The following CPHXL2 variants were observed in gnomAD, a reference collection of about 807,000 sequenced individuals.
The protein encoded by CPHXL2 is cytoplasmic polyadenylated homeobox like 2, also known as cytoplasmic polyadenylated homeobox-like protein 2.
the CPHXL2 span, among the ~76,000 whole-genome samples, chr16:75,671,484 C>T: frequency 6.6e-5 from 10 of 152,004 alleles, no homozygotes; most frequent in Admixed American, 2.0e-4. Flanking sequence ...AAATAATTCA[C>T]GTGTTGATGA....
At chr16:75,674,372 C>CAAAAAAAAAAA in the CPHXL2 span, among the ~76,000 whole-genome samples, 19 of 53,382 alleles carry the variant, frequency 3.6e-4, no homozygotes, top group African/African-American at 9.6e-4. Flanking sequence ...GACTCCGTCT[C>CAAAAAAAAAAA]AAAAAAAAAA....
the CPHXL2 span, among the ~76,000 whole-genome samples, chr16:75,661,797 A>T: frequency 6.6e-6 from 1 of 152,164 alleles, no homozygotes; most frequent in Non-Finnish European, 1.5e-5. Flanking sequence ...TATTGACCAT[A>T]TATTTGTTGT....
At chr16:75,674,372 CAAAA>C in the CPHXL2 span, among the ~76,000 whole-genome samples, 15 of 53,388 alleles carry the variant, frequency 2.8e-4, no homozygotes, top group South Asian at 1.3e-3. Context: ...GACTCCGTCT[CAAAA>C]AAAAAAAAAA....
chr16:75,666,438 GTC>G, the CPHXL2 span, among the ~76,000 whole-genome samples: 1 of 151,828 alleles, frequency 6.6e-6, no homozygotes, highest in African/African-American at 2.4e-5. Context: ...TGGCCAATAA[GTC>G]TCTACTGAAA....
the CPHXL2 span, among the ~76,000 whole-genome samples, chr16:75,664,754 G>C: frequency 6.6e-6 from 1 of 152,090 alleles, no homozygotes; most frequent in Admixed American, 6.6e-5. Flanking sequence ...CTCATGAATG[G>C]ATTAACACAT....
chr16:75,671,864 G>T, the CPHXL2 span, among the ~76,000 whole-genome samples: 1 of 152,194 alleles, frequency 6.6e-6, no homozygotes, highest in Non-Finnish European at 1.5e-5. Flanking sequence ...ACAGTAAATG[G>T]AATCCAAATC....
the CPHXL2 span, among the ~76,000 whole-genome samples, chr16:75,674,875 A>G: frequency 6.6e-6 from 1 of 151,656 alleles, no homozygotes; most frequent in African/African-American, 2.4e-5. Flanking sequence ...ATGCCTGACT[A>G]ATTTTTGTAT....
chr16:75,672,067 T>G, the CPHXL2 span, among the ~76,000 whole-genome samples: 2 of 150,324 alleles, frequency 1.3e-5, no homozygotes, highest in South Asian at 2.1e-4. Context: ...AGGTCAAGAG[T>G]TCGAAACCAG....
the CPHXL2 span, among the ~76,000 whole-genome samples, chr16:75,662,801 T>TC: frequency 7.1e-6 from 1 of 141,130 alleles, no homozygotes; most frequent in Non-Finnish European, 1.5e-5. Context: ...TAATTCTTTT[T>TC]TTTTTTTTTT....
chr16:75,660,466 G>A, the CPHXL2 span: 4 of 398,478 alleles, frequency 1.0e-5, no homozygotes, highest in Non-Finnish European at 1.8e-5. Flanking sequence ...TGAGGCAGTT[G>A]ACTCTGCAGC....
the CPHXL2 span, among the ~76,000 whole-genome samples, chr16:75,675,962 C>G: frequency 6.6e-6 from 1 of 151,922 alleles, no homozygotes; most frequent in South Asian, 2.1e-4. Context: ...GTCTGTAATC[C>G]CAGCTACTTG....
the CPHXL2 span, among the ~76,000 whole-genome samples, chr16:75,670,344 G>C: frequency 3.9e-5 from 6 of 152,254 alleles, no homozygotes; most frequent in East Asian, 1.2e-3. Flanking sequence ...GAACGGAATC[G>C]GAGCCTGAAA....
the CPHXL2 span, among the ~76,000 whole-genome samples, chr16:75,671,259 T>C: frequency 6.6e-6 from 1 of 150,804 alleles, no homozygotes; most frequent in Admixed American, 6.6e-5. Context: ...ATTCGGGAGG[T>C]TGAGGTGGGA....
the CPHXL2 span, chr16:75,661,340 T>C: frequency 2.3e-5 from 9 of 398,102 alleles, no homozygotes; most frequent in Non-Finnish European, 4.0e-5. Flanking sequence ...TTTTTCTTTT[T>C]AAGCCTTTTA....
chr16:75,673,674 A>G, the CPHXL2 span, among the ~76,000 whole-genome samples: 345 of 152,176 alleles, frequency 2.3e-3, 1 homozygote, highest in Non-Finnish European at 3.3e-3. Context: ...TCTGGGGCAG[A>G]AAGGCACAAA....
At chr16:75,667,077 T>C in the CPHXL2 span, among the ~76,000 whole-genome samples, 1 of 152,066 alleles carries the variant, frequency 6.6e-6, no homozygotes, top group Non-Finnish European at 1.5e-5. Flanking sequence ...TTTGGGAGGC[T>C]GAGGCGGGCA....
chr16:75,667,323 AAAAAAAATTAG>A, the CPHXL2 span, among the ~76,000 whole-genome samples: 2 of 151,932 alleles, frequency 1.3e-5, no homozygotes, highest in Admixed American at 6.6e-5. Flanking sequence ...AAAAAAAAAA[AAAAAAAATTAG>A]AAAAAAATTA....
At chr16:75,663,841 G>C in the CPHXL2 span, among the ~76,000 whole-genome samples, 1 of 144,406 alleles carries the variant, frequency 6.9e-6, no homozygotes, top group Non-Finnish European at 1.5e-5. Context: ...AGCTGAGATC[G>C]TGCCACTGCA....
the CPHXL2 span, among the ~76,000 whole-genome samples, chr16:75,666,971 G>A: frequency 6.5e-4 from 99 of 152,172 alleles, no homozygotes; most frequent in African/African-American, 2.0e-3. Flanking sequence ...TAACCTGTTC[G>A]TGAATGATCA....
Sources: allele counts gnomAD v4.1 joint callset (sites outside exome capture counted in the v4.1 genomes callset), GRCh38; gene constraint gnomAD v4.1.1; transcripts MANE v1.5; gene names NCBI Gene and HGNC (gene_info 2026-07-23, HGNC 2026-07-21).